The following CCDC69 variants were observed in gnomAD, a reference collection of about 807,000 sequenced individuals.
The protein encoded by CCDC69 is coiled-coil domain-containing protein 69.
Under a neutral mutation model 40.3 loss-of-function variants are expected in CCDC69, and 38 were observed. The observed-to-expected ratio is 0.94, with a 90% CI of 0.73 to 1.24. The LOEUF (loss-of-function observed/expected upper bound fraction) is 1.24, where lower values mean the gene tolerates loss of function less well. Among genes scored for constraint, CCDC69 ranks in the 50% most tolerant of loss-of-function variants. The pLI, the probability that CCDC69 is intolerant of heterozygous loss-of-function variation, is 0.00. For synonymous variants in CCDC69, 141 were observed against 138.9 expected, an observed-to-expected ratio of 1.02 and a Z score of -0.11; for missense variants, 389 against 357.9, an observed-to-expected ratio of 1.09 and a Z score of -0.70.
chr5:151,185,880 A>G (rs1752501384), intron 6 of CCDC69, 143 bp downstream of exon 6: 7 of 647,200 alleles, frequency 1.1e-5, no homozygotes, highest in Non-Finnish European at 1.9e-5. Flanking sequence ...TGAAATGGGA[A>G]CTCTTTTATT....
chr5:151,212,975 A>G, intron 1 of CCDC69: 1 of 440,876 alleles, frequency 2.3e-6, no homozygotes, highest in South Asian at 1.6e-5. Context: ...TTGGAGAGTC[A>G]AACTTCATGC....
intron 1 of CCDC69, among the ~76,000 whole-genome samples, chr5:151,215,854 G>A (rs1376675415): frequency 6.6e-6 from 1 of 152,220 alleles, no homozygotes; most frequent in Non-Finnish European, 1.5e-5. Context: ...GCTGTAAACT[G>A]AGGACTGGCT....
rs397810601 is a variant in CCDC69, at chr5:151,192,446, CA to C, written c.320-4988del. Among the ~76,000 whole-genome samples the C allele has an allele frequency of 2.4e-3, 340 of 144,216 alleles. 2 individuals are homozygous for C. Among genetic ancestry groups the C allele is most frequent in the Middle Eastern group, 3.5e-3 (1 of 284 alleles). The allele number at this position is 144,216 out of a possible 152,430, so 94.6% of individuals were successfully genotyped here. On this transcript the variant is annotated intron_variant, in intron 4 of 8. Transcript: ENST00000355417. ...AACTTAGATGAATGTAACAATTCTTCAAAAAAAAAAAATGACCAAAACTCAC... is the reference window on the plus strand; with the variant it reads ...AACTTAGATGAATGTAACAATTCTTCAAAAAAAAAAATGACCAAAACTCAC...
intron 6 of CCDC69, among the ~76,000 whole-genome samples, 192 bp from the exon 7 acceptor site, chr5:151,185,733 G>A (rs1027214047): frequency 2.0e-5 from 3 of 152,234 alleles, no homozygotes; most frequent in African/African-American, 7.2e-5. Flanking sequence ...CACAGATGAG[G>A]AGACTGTGGT....
Position 151,181,914 on chromosome 5 carries a change from C to T in CCDC69, c.*1523G>A, listed in dbSNP as rs1222543727. 1 of 152,352 alleles carries T rather than the reference C, an allele frequency of 6.6e-6. No individual in the cohort carries two copies. The highest frequency in any genetic ancestry group is 1.5e-5 in the Non-Finnish European group (1 of 68,162). The allele number at this position is 152,352 out of a possible 1,614,324, so 9.4% of individuals were successfully genotyped here. A position where few individuals can be genotyped will look rare whatever the true frequency, so the allele number is the denominator to read the frequency against. On this transcript the variant is annotated 3_prime_UTR_variant, in exon 9 of 9. Coordinates refer to ENST00000355417, the MANE Select transcript of CCDC69 (RefSeq NM_015621.3). ...ACTCCCCTAGCCTCACCTCTTCCCC[C>T]ATTTGGCTGTGGAAATGGAGAAACA...
At chr5:151,203,234 G>C (rs1371746931) in intron 2 of CCDC69, among the ~76,000 whole-genome samples, 1 of 151,954 alleles carries the variant, frequency 6.6e-6, no homozygotes, top group Non-Finnish European at 1.5e-5. Flanking sequence ...TGTAGGCCAG[G>C]CGCGATGGCT....
intron 5 of CCDC69, among the ~76,000 whole-genome samples, chr5:151,186,767 T>C (rs1387508786): frequency 1.3e-5 from 2 of 152,148 alleles, no homozygotes; most frequent in Non-Finnish European, 2.9e-5. Context: ...CCACTACCGT[T>C]AGGCTAGAGC....
rs17851409 is a variant in CCDC69 at position 151,183,514 on chromosome 5, C to A, written c.814G>T (p.Val272Phe). ...QQEKEELLYR[V>F]LGANASPAFP... ...GCAGGCGAGGCATTGGCCCCAAGGA[C>A]CCGGTACAACAGCTCCTCCTTCTCC... The change falls in exon 9 of 9, where the codon GTC becomes TTC. Residue 272 changes from valine (V) to phenylalanine (F), a missense_variant. Coordinates refer to ENST00000355417, the MANE Select transcript of CCDC69 (RefSeq NM_015621.3). The A allele has an allele frequency of 2.5e-6, 4 of 1,608,994 alleles. No individual in the cohort carries two copies. Among genetic ancestry groups the A allele is most frequent in the Admixed American group, 1.7e-5 (1 of 59,066 alleles).
chr5:151,221,878 C>A (rs1753139644), intron 1 of CCDC69, among the ~76,000 whole-genome samples: 1 of 152,252 alleles, frequency 6.6e-6, no homozygotes, highest in African/African-American at 2.4e-5. Flanking sequence ...GGAGCTCATG[C>A]CTTCCAAGGG....
At chr5:151,202,091 C>T (rs1300123705) in intron 2 of CCDC69, among the ~76,000 whole-genome samples, 2 of 151,598 alleles carry the variant, frequency 1.3e-5, no homozygotes, top group East Asian at 1.9e-4. Context: ...CATGGTGGCT[C>T]ACACCTGTAG....
At chr5:151,220,576 T>G (rs928435083) in intron 1 of CCDC69, among the ~76,000 whole-genome samples, 1 of 152,192 alleles carries the variant, frequency 6.6e-6, no homozygotes, top group Non-Finnish European at 1.5e-5. Flanking sequence ...TACATGGATG[T>G]GCTCATGAAG....
intron 4 of CCDC69, among the ~76,000 whole-genome samples, chr5:151,196,348 G>A (rs981871492): frequency 1.3e-5 from 2 of 152,010 alleles, no homozygotes; most frequent in South Asian, 2.1e-4. Context: ...TAGTAGAGAC[G>A]GGGTTTCATC....
intron 4 of CCDC69, among the ~76,000 whole-genome samples, chr5:151,197,778 T>C (rs1265388799): frequency 1.3e-5 from 2 of 152,204 alleles, no homozygotes; most frequent in Non-Finnish European, 2.9e-5. Context: ...GGGTTGATTA[T>C]GTAAGTATCA....
In CCDC69 at chr5:151,224,084, C is replaced by G. The variant is rs936193685; in HGVS notation, c.-114G>C. 1 of 927,280 alleles carries G rather than the reference C, an allele frequency of 1.1e-6. No homozygotes were observed. The highest frequency in any genetic ancestry group is 1.5e-6 in the Non-Finnish European group (1 of 650,058). 57.4% of individuals were successfully genotyped at this position (927,280 alleles called of 1,614,324 possible). On this transcript the variant is annotated 5_prime_UTR_variant, in exon 1 of 9. Transcript: ENST00000355417. ...CGCCGGCTGGGGCTGCCGGCGAGAC[C>G]CTGAAACTGAACCTGGAAGCGCTGT... is the stretch of plus-strand genomic sequence containing the variant.
At position 151,203,846 on chromosome 5, in the gene CCDC69, C is replaced by A. The variant is rs868576368; in HGVS notation, c.124+1554G>T. The stretch of plus-strand genomic sequence containing the variant: ...TATAGTATATATATAAAATATATAT[C>A]ATATATAGTATATATATAAAATATA... On this transcript the variant is annotated intron_variant, in intron 2 of 8. Coordinates refer to ENST00000355417, the MANE Select transcript of CCDC69 (RefSeq NM_015621.3). Among the ~76,000 whole-genome samples, 454 of 120,786 alleles carry A rather than the reference C, an allele frequency of 3.8e-3. 10 individuals are homozygous for A. Among genetic ancestry groups the A allele is most frequent in the African/African-American group, 0.014 (437 of 30,472 alleles). The allele number at this position is 120,786 out of a possible 152,430, so 79.2% of individuals were successfully genotyped here.
At chr5:151,205,621 T>A in intron 1 of CCDC69, 146 bp from the exon 2 acceptor site, 2 of 678,552 alleles carry the variant, frequency 2.9e-6, no homozygotes, top group Non-Finnish European at 5.1e-6. Flanking sequence ...TTGGGCTGCC[T>A]CGCAGCCCCA....
intron 1 of CCDC69, among the ~76,000 whole-genome samples, chr5:151,207,491 C>G (rs1227250573): frequency 1.3e-5 from 2 of 151,774 alleles, no homozygotes; most frequent in Non-Finnish European, 2.9e-5. Flanking sequence ...TGGAGTTTCA[C>G]CGTGTTGGCC....
At position 151,182,843 on chromosome 5, in the gene CCDC69, T is replaced by A. The variant is rs1321166503; in HGVS notation, c.*594A>T. On this transcript the variant is annotated 3_prime_UTR_variant, in exon 9 of 9. Coordinates refer to ENST00000355417, the MANE Select transcript of CCDC69 (RefSeq NM_015621.3). ...GCCCCAAGGGCCTTCAGAGACCCCC[T>A]CTCTACCACTCACCTTCCCCACTCT... The A allele has an allele frequency of 2.8e-6, 1 of 352,326 alleles. No individual in the cohort carries two copies. The highest frequency in any genetic ancestry group is 7.5e-5 in the East Asian group (1 of 13,274). 21.8% of individuals were successfully genotyped at this position (352,326 alleles called of 1,614,324 possible). A position where few individuals can be genotyped will look rare whatever the true frequency, so the allele number is the denominator to read the frequency against.
intron 4 of CCDC69, among the ~76,000 whole-genome samples, chr5:151,196,347 C>T (rs969185658): frequency 7.2e-5 from 11 of 151,992 alleles, no homozygotes; most frequent in African/African-American, 2.4e-4. Flanking sequence ...TTAGTAGAGA[C>T]GGGGTTTCAT....
Sources: gnomAD v4.1 joint callset for allele counts (sites outside exome capture counted in the v4.1 genomes callset) on GRCh38, gnomAD v4.1.1 for gene constraint, MANE v1.5 for transcripts, NCBI Gene and HGNC (gene_info 2026-07-23, HGNC 2026-07-21) for gene names.